REV3L: variants seen among roughly 807,000 people sequenced by gnomAD.
REV3L encodes REV3 like, DNA directed polymerase zeta catalytic subunit.
A neutral mutation model predicts 299.4 loss-of-function variants in REV3L; 69 were observed. That is an observed-to-expected ratio of 0.23 (90% confidence interval 0.19 to 0.28). The LOEUF is 0.28. Ranked by LOEUF, REV3L falls within the 10% of genes least tolerant of loss-of-function variation. The pLI is 1.00. For synonymous variants in REV3L, 1,238 were observed against 1,271.4 expected, an observed-to-expected ratio of 0.97 and a Z score of 0.56; for missense variants, 3,128 against 3,693.8, an observed-to-expected ratio of 0.85 and a Z score of 3.97.
chr6:111,335,652 T>C (rs745575695), intron 21 of REV3L, 42 bp from the exon 22 acceptor site: 7 of 1,575,708 alleles, frequency 4.4e-6, no homozygotes, highest in East Asian at 2.3e-5. Context: ...AGGGAAAAAT[T>C]TGGACACTTG....
chr6:111,332,321 T>C (rs1003257407), intron 23 of REV3L, among the ~76,000 whole-genome samples: 5 of 152,184 alleles, frequency 3.3e-5, no homozygotes, highest in African/African-American at 7.2e-5. Flanking sequence ...TCTGCCCGCC[T>C]TGGCCTCCCA....
At position 111,322,587 on chromosome 6, in the gene REV3L, A is replaced by G. The variant is rs780337118; in HGVS notation, c.8333T>C (p.Val2778Ala). 6.2e-7 allele frequency: 1 copy of G among 1,613,922 alleles called. No individual in the cohort carries two copies. Among genetic ancestry groups the G allele is most frequent in the Admixed American group, 1.7e-5 (1 of 59,996 alleles). The change falls in exon 26 of 32, where the codon GTA becomes GCA. Residue 2778 changes from valine to alanine, a missense_variant. Transcript: ENST00000368802. ...CCATTACCTGTCAGTATCGCCATATACAACCCTAGCCCCCCATTTCTTGGT... is the reference window on the plus strand; with the variant it reads ...CCATTACCTGTCAGTATCGCCATATGCAACCCTAGCCCCCCATTTCTTGGT... ...NDTKKWGARV[V>A]YGDTDSMFVL...
intron 21 of REV3L, among the ~76,000 whole-genome samples, chr6:111,342,644 G>A (rs1280723420): frequency 1.3e-5 from 2 of 150,720 alleles, no homozygotes; most frequent in South Asian, 4.3e-4. Context: ...CTCCAGCCTG[G>A]GTGACAGAGC....
rs762067290 is a variant in REV3L, at chr6:111,367,187, T to C, written c.6601A>G (p.Ser2201Gly). The C allele has an allele frequency of 2.0e-5, 32 of 1,613,792 alleles. No individual in the cohort carries two copies. The Admixed American group carries it at 5.3e-4, about 27-fold the overall frequency. ...TGKCESLCFH[S>G]TPIIQRKLLE... The stretch of plus-strand genomic sequence containing the variant: ...AGTTTTCTCTGTATGATTGGTGTAC[T>C]ATGAAAGCAAAGTGATTCACATTTC... The change falls in exon 14 of 32, where the codon AGT becomes GGT. Residue 2201 changes from serine to glycine, a missense_variant. This residue lies in a region of REV3L where 2,409 missense variants were observed against 2,611.8 expected (regional missense o/e 0.92). Transcript: ENST00000368802.
Position 111,376,218 on chromosome 6 carries a change from T to G in REV3L, c.2137A>C (p.Asn713His). 2 of 1,613,534 alleles carry G rather than the reference T, an allele frequency of 1.2e-6. No homozygotes were observed. The highest frequency in any genetic ancestry group is 1.7e-5 in the Admixed American group (1 of 59,988). Residue 713 changes from asparagine (N) to histidine (H), a missense_variant, in exon 13 of 32, where the codon AAT becomes CAT. By Grantham distance (68) the Asn-to-His change is moderately conservative. This residue lies in a region of REV3L where 2,409 missense variants were observed against 2,611.8 expected (regional missense o/e 0.92). Transcript: ENST00000368802. ...GKNSFNFSDL[N>H]HSKNKVSSEG... Reference sequence around the variant, plus strand: ...GAGGATACTTTATTTTTTGAATGATTTAAGTCAGAAAAGTTGAAAGAATTT... The same window carrying G: ...GAGGATACTTTATTTTTTGAATGATGTAAGTCAGAAAAGTTGAAAGAATTT...
intron 4 of REV3L, among the ~76,000 whole-genome samples, chr6:111,401,739 C>T (rs1246518692): frequency 6.6e-6 from 1 of 152,098 alleles, no homozygotes; most frequent in Non-Finnish European, 1.5e-5. Context: ...TACTAGCATG[C>T]TGGAGAGACA....
intron 1 of REV3L, among the ~76,000 whole-genome samples, chr6:111,436,176 A>G (rs1787525405): frequency 6.6e-6 from 1 of 152,216 alleles, no homozygotes; most frequent in African/African-American, 2.4e-5. Context: ...GAGGATGCGG[A>G]TAAAGGAGAA....
At chr6:111,311,374 ATC>A (rs1772958904) in intron 28 of REV3L, 115 bp from the exon 29 acceptor site, 2 of 618,340 alleles carry the variant, frequency 3.2e-6, no homozygotes, top group Admixed American at 3.1e-5. Flanking sequence ...TACCTAAATA[ATC>A]TGTTACTTAC....
chr6:111,387,812 G>A lies in REV3L; in HGVS notation c.1049C>T (p.Thr350Ile), dbSNP rs760961642. The change falls in exon 9 of 32, where the codon ACA becomes ATA. Residue 350 changes from threonine to isoleucine, a missense_variant. By Grantham distance (89) the Thr-to-Ile change is moderately conservative (BLOSUM62 -1). This residue lies in a region of REV3L where 2,409 missense variants were observed against 2,611.8 expected (regional missense o/e 0.92). Coordinates refer to ENST00000368802, the MANE Select transcript of REV3L (RefSeq NM_001372078.1). ...GTGAACTTCTACCATATTGGCTGGT[G>A]TACACTGAAGCATTTCAGGAGACAG... ...EVLSPEMLQC[T>I]PANMVEVHKD... 43 of 1,613,796 alleles carry A rather than the reference G, an allele frequency of 2.7e-5. No homozygotes were observed. The Admixed American group carries it at 7.2e-4, about 27-fold the overall frequency.
intron 21 of REV3L, among the ~76,000 whole-genome samples, chr6:111,336,247 C>A (rs573668060): frequency 6.6e-6 from 1 of 151,894 alleles, no homozygotes; most frequent in South Asian, 2.1e-4. Flanking sequence ...AACAATAAAA[C>A]CCTCAGCAAA....
intron 3 of REV3L, among the ~76,000 whole-genome samples, chr6:111,410,316 T>TA (rs796863128): frequency 1.3e-5 from 2 of 152,364 alleles, no homozygotes; most frequent in African/African-American, 4.8e-5. Context: ...AAAGCAAACT[T>TA]ACTGAGAACA....
At position 111,375,295 on chromosome 6, in the gene REV3L, C is replaced by G; in HGVS notation, c.3060G>C (p.Leu1020Phe). ...KMELYKKLAPLKDFWPKVPDS... is the reference protein window; with the variant it reads ...KMELYKKLAPFKDFWPKVPDS... ...CGGGAACTTTTGGCCAAAAGTCCTT[C>G]AAAGGTGCAAGCTTTTTATATAGTT... The change falls in exon 13 of 32, where the codon TTG (leucine) becomes TTC (phenylalanine). Residue 1020 changes from leucine to phenylalanine, a missense_variant. Physicochemically the swap from Leu to Phe is conservative, Grantham distance 22 (BLOSUM62 0). Coordinates refer to ENST00000368802, the MANE Select transcript of REV3L (RefSeq NM_001372078.1). The G allele has an allele frequency of 2.5e-6, 4 of 1,598,932 alleles. No individual in the cohort carries two copies. Among genetic ancestry groups the G allele is most frequent in the Non-Finnish European group, 3.4e-6 (4 of 1,176,594 alleles).
chr6:111,361,419 C>CACAAAAAAAAAAA (rs767836093), intron 16 of REV3L: 1 of 86,608 alleles, frequency 1.2e-5, no homozygotes, highest in Non-Finnish European at 2.3e-5. Flanking sequence ...CACACACACA[C>CACAAAAAAAAAAA]AAAAAAAAAA....
intron 9 of REV3L, among the ~76,000 whole-genome samples, chr6:111,386,370 G>A (rs1173579586): frequency 6.6e-6 from 1 of 152,096 alleles, no homozygotes; most frequent in African/African-American, 2.4e-5. Flanking sequence ...GTAGTAATGA[G>A]GGTAACGAAA....
intron 1 of REV3L, among the ~76,000 whole-genome samples, chr6:111,472,412 TAC>T (rs1487834297): frequency 8.5e-5 from 13 of 152,228 alleles, no homozygotes; most frequent in African/African-American, 3.1e-4. Context: ...TGTTATATAT[TAC>T]ACAAGGCATT....
intron 29 of REV3L, chr6:111,310,859 A>C (rs1049385943): frequency 1.9e-5 from 8 of 418,516 alleles, no homozygotes; most frequent in Non-Finnish European, 3.3e-5. Context: ...ATTTCTTTGC[A>C]TAAGTTTCTG....
chr6:111,448,937 G>T (rs1265770256), intron 1 of REV3L, among the ~76,000 whole-genome samples: 1 of 151,954 alleles, frequency 6.6e-6, no homozygotes, highest in Non-Finnish European at 1.5e-5. Context: ...TGCTGAATGG[G>T]ATTACAGGCG....
chr6:111,431,072 C>G, intron 1 of REV3L: 1 of 1,500,684 alleles, frequency 6.7e-7, no homozygotes. Flanking sequence ...TATGACTCCA[C>G]ATATGCAAAT....
chr6:111,364,027 A>T, intron 15 of REV3L, 49 bp from the exon 16 acceptor site: 1 of 1,565,990 alleles, frequency 6.4e-7, no homozygotes, highest in Non-Finnish European at 8.6e-7. Context: ...ATACATGAGC[A>T]ATCATTTTTC....
Sources: allele counts gnomAD v4.1 joint callset (sites outside exome capture counted in the v4.1 genomes callset), GRCh38; gene constraint gnomAD v4.1.1; regional missense constraint gnomAD v4.1.1; transcripts MANE v1.5; gene names NCBI Gene and HGNC (gene_info 2026-07-23, HGNC 2026-07-21).